Variants in LZTFL1 observed in about 807,000 individuals in gnomAD.
LZTFL1 encodes leucine zipper transcription factor-like protein 1.
A neutral mutation model predicts 45.9 loss-of-function variants in LZTFL1; 25 were observed. The ratio of observed to expected loss-of-function variants is 0.54; its 90% CI spans 0.40 to 0.76. LZTFL1 has a LOEUF of 0.76. LZTFL1 is among the 30% of genes least tolerant of loss of function. The probability of loss-of-function intolerance (pLI) is 0.00; values close to 1 mark genes in which losing one functional copy is unlikely to be tolerated. For synonymous variants in LZTFL1, 93 were observed against 117.4 expected (o/e 0.79, Z 1.35); for missense variants, 277 against 331.1 (o/e 0.84, Z 1.27).
intron 4 of LZTFL1, among the ~76,000 whole-genome samples, chr3:45,851,384 G>A (rs1024669798): frequency 1.3e-5 from 2 of 151,762 alleles, no homozygotes; most frequent in Admixed American, 6.6e-5. Context: ...CTGCCACCAC[G>A]CCCAGCTCAG....
intron 2 of LZTFL1, among the ~76,000 whole-genome samples, chr3:45,876,455 T>G (rs1056663150): frequency 6.6e-6 from 1 of 152,216 alleles, no homozygotes; most frequent in African/African-American, 2.4e-5. Context: ...TTAGTGTCCC[T>G]GTTTTACAAA....
intron 1 of LZTFL1, 29 bp downstream of exon 1, chr3:45,841,960 G>A (rs751092166): frequency 1.2e-6 from 2 of 1,609,870 alleles, no homozygotes; most frequent in South Asian, 1.1e-5. Context: ...TCCTGTGCGC[G>A]GTGCGGCGCC....
intron 2 of LZTFL1, among the ~76,000 whole-genome samples, chr3:45,912,876 C>A (rs868388604): frequency 1.3e-5 from 2 of 152,110 alleles, no homozygotes; most frequent in Non-Finnish European, 2.9e-5. Flanking sequence ...CTTCAAATAA[C>A]GCAGAATAAT....
rs764158647 is a variant in LZTFL1 at position 45,915,570 on chromosome 3, G to A, written c.-422C>T. The A allele has an allele frequency of 1.7e-4, 78 of 454,912 alleles. 2 individuals are homozygous for A. The highest frequency in any genetic ancestry group is 1.2e-3 in the South Asian group (77 of 64,414). The allele number at this position is 454,912 out of a possible 1,614,324, so 28.2% of individuals were successfully genotyped here. A position where few individuals can be genotyped will look rare whatever the true frequency, so the allele number is the denominator to read the frequency against. ...CTATGGACCCACAGGCCCGAAGACAGACCTGTCCTAGAAACAAGGACTTCC... is the reference window on the plus strand; with the variant it reads ...CTATGGACCCACAGGCCCGAAGACAAACCTGTCCTAGAAACAAGGACTTCC... On this transcript the variant is annotated 5_prime_UTR_variant, in exon 1 of 5. Transcript: ENST00000472635.
chr3:45,877,107 A>G (rs1701760082), intron 2 of LZTFL1, among the ~76,000 whole-genome samples: 1 of 152,178 alleles, frequency 6.6e-6, no homozygotes, highest in African/African-American at 2.4e-5. Flanking sequence ...AGCCCAAGAT[A>G]TAGCGAATAA....
chr3:45,872,226 G>A (rs1398454917), intron 2 of LZTFL1, among the ~76,000 whole-genome samples: 1 of 152,202 alleles, frequency 6.6e-6, no homozygotes, highest in African/African-American at 2.4e-5. Context: ...TCTCTGGAGT[G>A]TGTTCTGATG....
chr3:45,824,747 T>G lies in LZTFL1; in HGVS notation c.*1567A>C, dbSNP rs1700620655. On this transcript the variant is annotated 3_prime_UTR_variant, in exon 10 of 10. Coordinates refer to ENST00000296135, the MANE Select transcript of LZTFL1 (RefSeq NM_020347.4). ...CTGCTTCTGAATTACATAGAACATC[T>G]TGGTCCACAGACAATGGAATGGATT... The G allele has an allele frequency of 2.5e-6, 1 of 398,036 alleles. No homozygotes were observed. The highest frequency in any genetic ancestry group is 4.4e-6 in the Non-Finnish European group (1 of 225,666). The allele number at this position is 398,036 out of a possible 1,614,324, so 24.7% of individuals were successfully genotyped here. A position where few individuals can be genotyped will look rare whatever the true frequency, so the allele number is the denominator to read the frequency against.
At chr3:45,833,291 T>C (rs1700879887) in intron 4 of LZTFL1, among the ~76,000 whole-genome samples, 170 bp from the exon 5 acceptor site, 1 of 152,236 alleles carries the variant, frequency 6.6e-6, no homozygotes, top group Non-Finnish European at 1.5e-5. Flanking sequence ...TTACTCCCAG[T>C]GCCTAGGATA....
chr3:45,847,445 C>T (rs568601843), intron 4 of LZTFL1, among the ~76,000 whole-genome samples: 10 of 152,148 alleles, frequency 6.6e-5, no homozygotes, highest in East Asian at 1.9e-4. Flanking sequence ...TTATGACCCC[C>T]GATCTAGAGG....
rs190124584 is a variant in LZTFL1 at position 45,906,628 on chromosome 3, C to T, written c.-215+6492G>A. ...GCTGACTCCCTTCTTCAAAAGTGCACCATGAAGGTGTGCTGGCAAAGGACA... is the reference window on the plus strand; with the variant it reads ...GCTGACTCCCTTCTTCAAAAGTGCATCATGAAGGTGTGCTGGCAAAGGACA... On this transcript the variant is annotated intron_variant, in intron 2 of 4. Coordinates refer to the LZTFL1 transcript ENST00000472635. 1.2e-3 allele frequency among the ~76,000 whole-genome samples: 183 copies of T among 152,308 alleles called. 1 individual carries two copies. Among genetic ancestry groups the T allele is most frequent in the Middle Eastern group, 6.8e-3 (2 of 294 alleles).
intron 2 of LZTFL1, among the ~76,000 whole-genome samples, chr3:45,890,279 T>TATAAATATATATATAAA (rs1553616516): frequency 1.3e-5 from 1 of 75,770 alleles, no homozygotes; most frequent in Non-Finnish European, 2.4e-5. Context: ...AACATATATA[T>TATAAATATATATATAAA]ATATTTATAT....
chr3:45,859,083 G>A (rs1701439097), intron 2 of LZTFL1: 1 of 152,208 alleles, frequency 6.6e-6, no homozygotes, highest in African/African-American at 2.4e-5. Context: ...CAAAAGGCAG[G>A]ATTTCTATTC....
At chr3:45,842,223 G>T, upstream of LZTFL1, 2 of 1,376,124 alleles carry the variant, frequency 1.5e-6, no homozygotes, top group Non-Finnish European at 1.9e-6. Flanking sequence ...ACTGCCACAT[G>T]CGCATTGGCT....
chr3:45,868,260 C>A (rs1036090225), intron 2 of LZTFL1, among the ~76,000 whole-genome samples: 1 of 150,320 alleles, frequency 6.7e-6, no homozygotes, highest in African/African-American at 2.4e-5. Flanking sequence ...TTCTACTGAA[C>A]CTGTGCAAGT....
upstream of LZTFL1, among the ~76,000 whole-genome samples, chr3:45,845,135 A>G (rs997418045): frequency 1.3e-5 from 2 of 152,186 alleles, no homozygotes; most frequent in Non-Finnish European, 2.9e-5. Flanking sequence ...TCCTCTTTCC[A>G]TACTCCCTTA....
chr3:45,913,537 A>C (rs1702841340), intron 1 of LZTFL1, among the ~76,000 whole-genome samples: 1 of 152,226 alleles, frequency 6.6e-6, no homozygotes, highest in South Asian at 2.1e-4. Flanking sequence ...TTCCGAGTGG[A>C]GATAAACATA....
chr3:45,841,136 C>CA (rs2125693833), intron 1 of LZTFL1, among the ~76,000 whole-genome samples: 1 of 152,272 alleles, frequency 6.6e-6, no homozygotes, highest in African/African-American at 2.4e-5. Flanking sequence ...GCTCTAAACT[C>CA]AAGAAGGGGA....
chr3:45,827,562 T>C, intron 8 of LZTFL1, 103 bp from the exon 9 acceptor site: 1 of 701,150 alleles, frequency 1.4e-6, no homozygotes. Context: ...ATTTTACTAG[T>C]ATTTTGCTAA....
intron 2 of LZTFL1, among the ~76,000 whole-genome samples, chr3:45,865,295 C>G (rs1010437168): frequency 2.0e-5 from 3 of 152,220 alleles, no homozygotes; most frequent in East Asian, 1.9e-4. Flanking sequence ...CACCTCTTCC[C>G]TCTGCTTATT....
Sources: allele counts gnomAD v4.1 joint callset (sites outside exome capture counted in the v4.1 genomes callset), GRCh38; gene constraint gnomAD v4.1.1; transcripts MANE v1.5; gene names NCBI Gene and HGNC (gene_info 2026-07-23, HGNC 2026-07-21).